Variants in LIN52 observed in about 807,000 individuals in gnomAD.
The protein encoded by LIN52 is protein lin-52 homolog.
In LIN52, 4 loss-of-function variants were observed where a neutral mutation model predicts 18.5. The ratio of observed to expected loss-of-function variants is 0.22; its 90% CI spans 0.11 to 0.49. The LOEUF (loss-of-function observed/expected upper bound fraction) is 0.49, where lower values mean the gene tolerates loss of function less well. Among genes scored for constraint, LIN52 ranks in the 20% least tolerant of loss-of-function variants. The probability of loss-of-function intolerance (pLI) is 0.97; values close to 1 mark genes in which losing one functional copy is unlikely to be tolerated. For missense variants in LIN52, 102 were observed against 139.5 expected (o/e 0.73, Z 1.35); for synonymous variants, 34 against 45.5 (o/e 0.75, Z 1.02).
At chr14:74,101,263 C>T in intron 5 of LIN52, 25 bp downstream of exon 5, 1 of 1,559,120 alleles carries the variant, frequency 6.4e-7, no homozygotes, top group Non-Finnish European at 8.7e-7. Flanking sequence ...CGCATTTGTT[C>T]AGGGGTGTAT....
intron 5 of LIN52, among the ~76,000 whole-genome samples, chr14:74,155,446 A>G (rs2061195455): frequency 6.6e-6 from 1 of 152,244 alleles, no homozygotes; most frequent in Non-Finnish European, 1.5e-5. Context: ...TGCAGCTTAA[A>G]TATCTCTGTG....
At chr14:74,140,494 T>C (rs2061123591) in intron 5 of LIN52, among the ~76,000 whole-genome samples, 2 of 152,246 alleles carry the variant, frequency 1.3e-5, no homozygotes, top group Non-Finnish European at 2.9e-5. Flanking sequence ...TGGTGTAACC[T>C]GCTGTAAGCA....
chr14:74,141,946 T>C (rs761883191), intron 5 of LIN52, among the ~76,000 whole-genome samples: 4 of 152,224 alleles, frequency 2.6e-5, no homozygotes, highest in African/African-American at 4.8e-5. Flanking sequence ...CTTAGGTTTC[T>C]TGTGTAACAG....
chr14:74,091,204 C>T (rs1005823880), intron 1 of LIN52, 28 bp from the exon 2 acceptor site: 3 of 1,547,062 alleles, frequency 1.9e-6, no homozygotes, highest in Middle Eastern at 3.4e-4. Flanking sequence ...TTCCTGTCTT[C>T]TTGGTTCATC....
intron 5 of LIN52, among the ~76,000 whole-genome samples, chr14:74,194,623 T>C (rs996899417): frequency 2.0e-5 from 3 of 152,212 alleles, no homozygotes; most frequent in African/African-American, 7.2e-5. Flanking sequence ...TTTCACATGT[T>C]AACCCTATAG....
intron 5 of LIN52, among the ~76,000 whole-genome samples, chr14:74,157,137 AT>A (rs2061202727): frequency 6.6e-6 from 1 of 150,974 alleles, no homozygotes; most frequent in African/African-American, 2.4e-5. Context: ...GGTTCAAGCA[AT>A]TCTCCTGCCT....
At chr14:74,106,869 G>A (rs1428841329) in intron 5 of LIN52, among the ~76,000 whole-genome samples, 1 of 152,240 alleles carries the variant, frequency 6.6e-6, no homozygotes, top group Non-Finnish European at 1.5e-5. Context: ...GGGATTACAG[G>A]TGTGAGCCAC....
chr14:74,120,078 C>G (rs1240053951), intron 5 of LIN52, among the ~76,000 whole-genome samples: 2 of 151,668 alleles, frequency 1.3e-5, no homozygotes, highest in Admixed American at 1.3e-4. Flanking sequence ...TCGGGTGATC[C>G]GCCTGCCTCG....
chr14:74,166,574 G>A (rs1277014489), intron 5 of LIN52, among the ~76,000 whole-genome samples: 1 of 152,104 alleles, frequency 6.6e-6, no homozygotes, highest in Non-Finnish European at 1.5e-5. Flanking sequence ...TGAAATCTGT[G>A]TGCCCAAAAA....
chr14:74,090,632 G>T (rs1357069192), intron 1 of LIN52, among the ~76,000 whole-genome samples: 1 of 152,186 alleles, frequency 6.6e-6, no homozygotes, highest in Non-Finnish European at 1.5e-5. Context: ...ACCATGTCCG[G>T]CTGGGGTTTT....
chr14:74,107,301 G>A (rs1206267760), intron 5 of LIN52, among the ~76,000 whole-genome samples: 2 of 152,112 alleles, frequency 1.3e-5, no homozygotes, highest in African/African-American at 4.8e-5. Flanking sequence ...TCCTGATTTA[G>A]ACCTGTAAGT....
intron 2 of LIN52, among the ~76,000 whole-genome samples, chr14:74,095,736 C>G (rs76705353): frequency 0.029 from 4,426 of 152,216 alleles, 217 homozygotes; most frequent in African/African-American, 0.1. Context: ...GCTTTTTATG[C>G]CCCCTGGGTC....
At chr14:74,097,884 T>C in intron 4 of LIN52, 24 bp downstream of exon 4, 1 of 1,553,872 alleles carries the variant, frequency 6.4e-7, no homozygotes, top group Non-Finnish European at 8.9e-7. Context: ...GTTACCACTT[T>C]TAACTGGATA....
At chr14:74,088,906 AATG>A (rs1566842294) in intron 1 of LIN52, among the ~76,000 whole-genome samples, 1 of 152,196 alleles carries the variant, frequency 6.6e-6, no homozygotes, top group Non-Finnish European at 1.5e-5. Context: ...GTGGAAGAGA[AATG>A]ATGTCAAAGA....
intron 5 of LIN52, among the ~76,000 whole-genome samples, chr14:74,158,160 G>A (rs2061208521): frequency 6.7e-6 from 1 of 148,828 alleles, no homozygotes; most frequent in South Asian, 2.1e-4. Context: ...TGTTGCCCAG[G>A]CTAGAGCACA....
intron 5 of LIN52, among the ~76,000 whole-genome samples, chr14:74,193,528 G>A (rs532961931): frequency 1.3e-5 from 2 of 152,252 alleles, no homozygotes; most frequent in East Asian, 3.9e-4. Context: ...GCTGTTACAT[G>A]TAGGGCAATA....
chr14:74,156,552 G>A (rs1278153234), intron 5 of LIN52, among the ~76,000 whole-genome samples: 1 of 152,032 alleles, frequency 6.6e-6, no homozygotes, highest in East Asian at 1.9e-4. Flanking sequence ...TGAGTTATAG[G>A]GTGATATTTT....
chr14:74,195,624 A>G (rs991168190), intron 5 of LIN52, among the ~76,000 whole-genome samples: 1 of 151,596 alleles, frequency 6.6e-6, no homozygotes, highest in Non-Finnish European at 1.5e-5. Flanking sequence ...CTGTCTCCCT[A>G]CTCCTAATGG....
intron 5 of LIN52, among the ~76,000 whole-genome samples, chr14:74,139,060 G>A (rs1490014715): frequency 4.0e-5 from 6 of 151,452 alleles, no homozygotes; most frequent in Admixed American, 6.6e-5. Context: ...CTTTATACAC[G>A]CTAGAGCTCT....
Sources: allele counts gnomAD v4.1 joint callset (sites outside exome capture counted in the v4.1 genomes callset), GRCh38; gene constraint gnomAD v4.1.1; transcripts MANE v1.5; gene names NCBI Gene and HGNC (gene_info 2026-07-23, HGNC 2026-07-21).